The following NRXN1 variants were observed in gnomAD, a reference collection of about 807,000 sequenced individuals.
NRXN1 encodes the protein neurexin-1.
A neutral mutation model predicts 150.9 loss-of-function variants in NRXN1; 39 were observed. The observed-to-expected ratio is 0.26, with a 90% confidence interval of 0.20 to 0.34. The LOEUF (loss-of-function observed/expected upper bound fraction) is 0.34, where lower values mean the gene tolerates loss of function less well. Among genes scored for constraint, NRXN1 ranks in the 10% least tolerant of loss-of-function variants. The pLI, the probability that NRXN1 is intolerant of heterozygous loss-of-function variation, is 1.00. For synonymous variants in NRXN1, 924 were observed against 757.0 expected (o/e 1.22, Z -3.62); for missense variants, 1,815 against 1,949.9 (o/e 0.93, Z 1.30).
At chr2:50,402,176 A>G (rs988857989) in intron 17 of NRXN1, among the ~76,000 whole-genome samples, 2 of 152,088 alleles carry the variant, frequency 1.3e-5, no homozygotes, top group East Asian at 3.9e-4. Flanking sequence ...AAGGTGACAA[A>G]CATTTGCTCT....
At chr2:50,003,585 T>A (rs549485519) in intron 21 of NRXN1, among the ~76,000 whole-genome samples, 233 of 152,292 alleles carry the variant, frequency 1.5e-3, no homozygotes, top group Middle Eastern at 3.4e-3. Flanking sequence ...ATTTTCAGAA[T>A]GTTCAGTATA....
At chr2:50,937,444 C>T (rs1688715963) in intron 2 of NRXN1, among the ~76,000 whole-genome samples, 1 of 152,140 alleles carries the variant, frequency 6.6e-6, no homozygotes, top group African/African-American at 2.4e-5. Flanking sequence ...TTTTAGTTGG[C>T]AGGATTTACT....
intron 8 of NRXN1, among the ~76,000 whole-genome samples, chr2:50,602,976 T>G (rs1676520505): frequency 6.6e-6 from 1 of 152,326 alleles, no homozygotes; most frequent in African/African-American, 2.4e-5. Context: ...GCCAAGAGTT[T>G]GCAGTCAAAA....
chr2:50,759,974 T>A (rs1209675241), intron 5 of NRXN1, among the ~76,000 whole-genome samples: 1 of 151,712 alleles, frequency 6.6e-6, no homozygotes, highest in Non-Finnish European at 1.5e-5. Flanking sequence ...ACTGATCAAA[T>A]CTTAGGAAGC....
intron 19 of NRXN1, among the ~76,000 whole-genome samples, chr2:50,067,080 T>C (rs999365725): frequency 5.2e-4 from 79 of 152,292 alleles, no homozygotes; most frequent in African/African-American, 1.8e-3. Context: ...TCCCAGCTCC[T>C]TATGTGAAAC....
chr2:50,713,102 C>A (rs1402401142), intron 5 of NRXN1, among the ~76,000 whole-genome samples: 1 of 151,990 alleles, frequency 6.6e-6, no homozygotes, highest in South Asian at 2.1e-4. Context: ...CACTTGAGGC[C>A]AGGATTTTGA....
At chr2:50,174,544 T>TGAC (rs2060233832) in intron 18 of NRXN1, 1 of 152,182 alleles carries the variant, frequency 6.6e-6, no homozygotes, top group East Asian at 1.9e-4. Context: ...ACTAGTTACA[T>TGAC]TCATATGACA....
At chr2:50,387,231 T>A (rs2081385557) in intron 17 of NRXN1, among the ~76,000 whole-genome samples, 1 of 152,176 alleles carries the variant, frequency 6.6e-6, no homozygotes, top group Non-Finnish European at 1.5e-5. Context: ...AAGTTTCCTT[T>A]AAGTAAAGCT....
rs143720586 is a variant in NRXN1, at chr2:50,831,920, T to C, written c.832+89949A>G. The stretch of plus-strand genomic sequence containing the variant: ...GAAACAGCGTTCTGAGTGACGCTGA[T>C]TGTTCACATTGAGTAGCAGTGGCGG... On this transcript the variant is annotated intron_variant, in intron 5 of 22. Coordinates refer to ENST00000401669, the MANE Select transcript of NRXN1 (RefSeq NM_001330078.2). Among the ~76,000 whole-genome samples the C allele has an allele frequency of 2.2e-3, 340 of 152,280 alleles. 3 individuals are homozygous for C. The highest frequency in any genetic ancestry group is 7.8e-3 in the African/African-American group (326 of 41,566).
At chr2:50,487,788 C>T (rs760628377) in intron 15 of NRXN1, among the ~76,000 whole-genome samples, 18 of 152,266 alleles carry the variant, frequency 1.2e-4, no homozygotes, top group Non-Finnish European at 2.6e-4. Context: ...TGTAACATTG[C>T]CCAGATGTCA....
chr2:50,962,094 T>C (rs1693291214), intron 2 of NRXN1, among the ~76,000 whole-genome samples: 1 of 139,784 alleles, frequency 7.2e-6, no homozygotes, highest in African/African-American at 2.5e-5. Context: ...CTGAGACTGC[T>C]GCTGACTATT....
chr2:50,292,358 C>T lies in NRXN1; in HGVS notation c.3365-55388G>A, dbSNP rs548591655. ...GAGGGGTTATGACAGAGACTTATCA[C>T]CCCAAATCCTACTTCCTGGCTCTTT... On this transcript the variant is annotated intron_variant, in intron 17 of 22. Coordinates refer to ENST00000401669, the MANE Select transcript of NRXN1 (RefSeq NM_001330078.2). 2.8e-4 allele frequency among the ~76,000 whole-genome samples: 42 copies of T among 152,274 alleles called. 1 individual carries two copies. The highest frequency in any genetic ancestry group is 9.9e-4 in the African/African-American group (41 of 41,556).
intron 18 of NRXN1, among the ~76,000 whole-genome samples, chr2:50,193,703 T>C (rs559082272): frequency 6.9e-4 from 105 of 152,300 alleles, no homozygotes; most frequent in African/African-American, 2.5e-3. Flanking sequence ...ATACCCATTA[T>C]AAAATTTCTC....
At chr2:50,895,070 C>A (rs933671748) in intron 5 of NRXN1, among the ~76,000 whole-genome samples, 31 of 152,276 alleles carry the variant, frequency 2.0e-4, no homozygotes, top group African/African-American at 7.2e-4. Flanking sequence ...TGGGTTCCCA[C>A]TACAAATGAA....
chr2:51,019,533 A>G (rs761084848), intron 2 of NRXN1, among the ~76,000 whole-genome samples: 116 of 152,130 alleles, frequency 7.6e-4, no homozygotes, highest in Non-Finnish European at 1.5e-3. Context: ...ATTTTGGGGG[A>G]AAATCATGTA....
intron 2 of NRXN1, among the ~76,000 whole-genome samples, chr2:50,998,161 T>C (rs1699569082): frequency 7.1e-6 from 1 of 141,600 alleles, no homozygotes; most frequent in African/African-American, 3.0e-5. Flanking sequence ...GGCCATTAAC[T>C]ACAATACAGT....
At chr2:50,567,386 T>G (rs2105435124) in intron 8 of NRXN1, among the ~76,000 whole-genome samples, 1 of 152,180 alleles carries the variant, frequency 6.6e-6, no homozygotes, top group Non-Finnish European at 1.5e-5. Context: ...TCATTGTAAC[T>G]GATGAAGCCC....
At chr2:50,113,945 T>C (rs2152727877) in intron 18 of NRXN1, among the ~76,000 whole-genome samples, 1 of 152,258 alleles carries the variant, frequency 6.6e-6, no homozygotes, top group South Asian at 2.1e-4. Flanking sequence ...CTATAGAAGA[T>C]ACAAAACAAA....
rs1035241878 is a variant in NRXN1, at chr2:50,101,598, G to T, written c.3547-10104C>A. Among the ~76,000 whole-genome samples, 4 of 151,804 alleles carry T rather than the reference G, an allele frequency of 2.6e-5. No individual in the cohort carries two copies. In the South Asian group the frequency reaches 6.2e-4, roughly 24 times the overall value. Reference sequence around the variant, plus strand: ...ATGGCAAATGTAACCTTAGTAACTCGGTTATAGGTAAAACAAAATGAACCT... The same window carrying T: ...ATGGCAAATGTAACCTTAGTAACTCTGTTATAGGTAAAACAAAATGAACCT... On this transcript the variant is annotated intron_variant, in intron 18 of 22. Coordinates refer to ENST00000401669, the MANE Select transcript of NRXN1 (RefSeq NM_001330078.2).
Sources: gnomAD v4.1 joint callset for allele counts (sites outside exome capture counted in the v4.1 genomes callset) on GRCh38, gnomAD v4.1.1 for gene constraint, MANE v1.5 for transcripts, NCBI Gene and HGNC (gene_info 2026-07-23, HGNC 2026-07-21) for gene names.